ATP6V1G1: variants seen among roughly 807,000 people sequenced by gnomAD.
ATP6V1G1 encodes ATPase H+ transporting V1 subunit G1, also known as V-type proton ATPase subunit G 1.
Under a neutral mutation model 14.2 loss-of-function variants are expected in ATP6V1G1, and 14 were observed. The observed-to-expected ratio is 0.99, with a 90% CI of 0.65 to 1.55. ATP6V1G1 has a LOEUF of 1.55. ATP6V1G1 is among the 40% of genes most tolerant of loss of function. The pLI, the probability that ATP6V1G1 is intolerant of heterozygous loss-of-function variation, is 0.00. For missense variants in ATP6V1G1, 137 were observed against 146.4 expected (o/e 0.94, Z 0.33); for synonymous variants, 65 against 53.3 (o/e 1.22, Z -0.96).
Position 114,598,022 on chromosome 9 carries a change from T to G in ATP6V1G1, c.*279T>G. ...TCTTTTGGCTCAAGCAACATGTATA[T>G]CAGTGTTGACTTTTTCTTTCTTAGA... On this transcript the variant is annotated 3_prime_UTR_variant, in exon 3 of 3. Transcript: ENST00000374050. The G allele has an allele frequency of 5.0e-6, 1 of 201,580 alleles. No individual in the cohort carries two copies. The highest frequency in any genetic ancestry group is 9.9e-6 in the Non-Finnish European group (1 of 101,206). 12.5% of individuals were successfully genotyped at this position (201,580 alleles called of 1,614,324 possible). A position where few individuals can be genotyped will look rare whatever the true frequency, so the allele number is the denominator to read the frequency against.
In ATP6V1G1 at chr9:114,588,116, A is replaced by G. The variant is rs1330318844; in HGVS notation, c.82+196A>G. The stretch of plus-strand genomic sequence containing the variant: ...GATCGCCTGGAAGCCACGATGTGAG[A>G]TGGTAAATTGGGCGTGGAAACAATA... On this transcript the variant is annotated intron_variant, in intron 1 of 2. Coordinates refer to ENST00000374050, the MANE Select transcript of ATP6V1G1 (RefSeq NM_004888.4). 5 of 623,152 alleles carry G rather than the reference A, an allele frequency of 8.0e-6. No homozygotes were observed. In the East Asian group the frequency reaches 1.1e-4, roughly 14 times the overall value. 38.6% of individuals were successfully genotyped at this position (623,152 alleles called of 1,614,324 possible).
chr9:114,597,845 AT>A lies in ATP6V1G1; in HGVS notation c.*105del, dbSNP rs1362041382. On this transcript the variant is annotated 3_prime_UTR_variant, in exon 3 of 3. Transcript: ENST00000374050. ...CATTCTTATGATATGGCATTAAATTATTTCCATATATTATATAATAGGTCCT... is the reference window on the plus strand; with the variant it reads ...CATTCTTATGATATGGCATTAAATTATTCCATATATTATATAATAGGTCCT... The A allele has an allele frequency of 1.9e-6, 2 of 1,070,702 alleles. No individual in the cohort carries two copies. The highest frequency in any genetic ancestry group is 8.0e-5 in the Admixed American group (2 of 25,052). The allele number at this position is 1,070,702 out of a possible 1,614,324, so 66.3% of individuals were successfully genotyped here. A position where few individuals can be genotyped will look rare whatever the true frequency, so the allele number is the denominator to read the frequency against.
At chr9:114,594,082 T>C (rs1356772440) in intron 2 of ATP6V1G1, among the ~76,000 whole-genome samples, 19 of 151,582 alleles carry the variant, frequency 1.3e-4, no homozygotes, top group African/African-American at 2.4e-4. Flanking sequence ...TTTTTTTTTT[T>C]CTGAGACGGG....
At chr9:114,595,709 G>C (rs1200891347) in intron 2 of ATP6V1G1, among the ~76,000 whole-genome samples, 1 of 152,090 alleles carries the variant, frequency 6.6e-6, no homozygotes, top group East Asian at 1.9e-4. Context: ...TGTGGTCCCA[G>C]CTCTGCAGGA....
At chr9:114,588,020 G>T (rs528175121) in intron 1 of ATP6V1G1, 100 bp downstream of exon 1, 1 of 1,289,644 alleles carries the variant, frequency 7.8e-7, no homozygotes, top group Non-Finnish European at 1.1e-6. Flanking sequence ...TGCGGGGTGC[G>T]GGCGTGCGTA....
At chr9:114,592,522 TC>T (rs1243316585) in intron 1 of ATP6V1G1, 29 bp from the exon 2 acceptor site, 5 of 1,543,980 alleles carry the variant, frequency 3.2e-6, no homozygotes, top group African/African-American at 2.8e-5. Flanking sequence ...TTTAACCACT[TC>T]CTGATATAGC....
intron 2 of ATP6V1G1, among the ~76,000 whole-genome samples, chr9:114,593,086 A>G (rs1005061103): frequency 6.6e-6 from 1 of 152,198 alleles, no homozygotes; most frequent in Non-Finnish European, 1.5e-5. Flanking sequence ...AGTATATTGT[A>G]TATAGTACAG....
At chr9:114,592,107 A>G (rs1333714078) in intron 1 of ATP6V1G1, among the ~76,000 whole-genome samples, 1 of 152,194 alleles carries the variant, frequency 6.6e-6, no homozygotes, top group Non-Finnish European at 1.5e-5. Context: ...CATTAGTTAC[A>G]TTATATGTTG....
At chr9:114,593,119 A>G (rs1170772943) in intron 2 of ATP6V1G1, among the ~76,000 whole-genome samples, 1 of 152,242 alleles carries the variant, frequency 6.6e-6, no homozygotes, top group South Asian at 2.1e-4. Flanking sequence ...GATGTAGGCT[A>G]TACTATGGTG....
chr9:114,591,252 T>C lies in ATP6V1G1; in HGVS notation c.83-1300T>C, dbSNP rs144180020. ...TGATTTTTAGAGGCCCCTGTCAAAA[T>C]TGAATGTTGAAGATGTTTGCCAAAG... On this transcript the variant is annotated intron_variant, in intron 1 of 2. Coordinates refer to ENST00000374050, the MANE Select transcript of ATP6V1G1 (RefSeq NM_004888.4). Among the ~76,000 whole-genome samples the C allele has an allele frequency of 5.3e-4, 81 of 152,322 alleles. No individual in the cohort carries two copies. In the East Asian group the frequency reaches 0.011, roughly 21 times the overall value.
At chr9:114,594,863 T>TTC in intron 2 of ATP6V1G1, among the ~76,000 whole-genome samples, 11 of 9,136 alleles carry the variant, frequency 1.2e-3, no homozygotes, top group Admixed American at 2.0e-3. Context: ...CTTTTTTTCT[T>TTC]TTTTTTTTTT....
intron 1 of ATP6V1G1, 23 bp downstream of exon 1, chr9:114,587,943 C>T (rs1401776663): frequency 2.6e-6 from 4 of 1,557,124 alleles, no homozygotes; most frequent in Non-Finnish European, 2.6e-6. Flanking sequence ...GTGGGGCTGC[C>T]CGGCGTGGCG....
chr9:114,590,903 C>A (rs1303573291), intron 1 of ATP6V1G1, among the ~76,000 whole-genome samples: 1 of 152,112 alleles, frequency 6.6e-6, no homozygotes, highest in African/African-American at 2.4e-5. Context: ...TCAAGCGATT[C>A]TTCTGCCTCA....
intron 2 of ATP6V1G1, among the ~76,000 whole-genome samples, chr9:114,593,452 A>G (rs915971743): frequency 2.6e-5 from 4 of 152,172 alleles, no homozygotes; most frequent in Non-Finnish European, 5.9e-5. Context: ...GTAAAGGCAC[A>G]TACCTCCCTC....
chr9:114,588,083 G>A (rs1050818508), intron 1 of ATP6V1G1, 163 bp downstream of exon 1: 5 of 764,372 alleles, frequency 6.5e-6, no homozygotes, highest in Non-Finnish European at 8.2e-6. Context: ...GGCTCTGGAA[G>A]GCTTGCGGAT....
At chr9:114,588,938 G>A (rs1451890708) in intron 1 of ATP6V1G1, among the ~76,000 whole-genome samples, 1 of 152,212 alleles carries the variant, frequency 6.6e-6, no homozygotes, top group Non-Finnish European at 1.5e-5. Context: ...GGAGGCTCTT[G>A]TGGGTCAGGC....
intron 2 of ATP6V1G1, among the ~76,000 whole-genome samples, chr9:114,594,861 C>CTTT: frequency 9.0e-6 from 1 of 110,580 alleles, no homozygotes; most frequent in Non-Finnish European, 1.8e-5. Context: ...TTCTTTTTTT[C>CTTT]TTTTTTTTTT....
At chr9:114,595,240 G>C (rs538380074) in intron 2 of ATP6V1G1, among the ~76,000 whole-genome samples, 3 of 152,104 alleles carry the variant, frequency 2.0e-5, no homozygotes, top group Non-Finnish European at 2.9e-5. Flanking sequence ...GGAGCTTGGC[G>C]TATGGTTTAT....
Position 114,587,901 on chromosome 9 carries a change from G to T in ATP6V1G1, c.63G>T (p.Lys21Asn). ...LLQAEKRAAE[K>N]VSEARKRKNR... Reference sequence around the variant, plus strand: ...AGGCCGAGAAGCGGGCAGCCGAGAAGGTGTCCGAGGCCCGCAAAAGTGAGT... The same window carrying T: ...AGGCCGAGAAGCGGGCAGCCGAGAATGTGTCCGAGGCCCGCAAAAGTGAGT... Residue 21 changes from lysine to asparagine, a missense_variant, in exon 1 of 3, where the codon AAG becomes AAT. Coordinates refer to ENST00000374050, the MANE Select transcript of ATP6V1G1 (RefSeq NM_004888.4). 6.3e-7 allele frequency: 1 copy of T among 1,584,438 alleles called. No homozygotes were observed. The highest frequency in any genetic ancestry group is 2.3e-5 in the East Asian group (1 of 43,708).
Sources: gnomAD v4.1 joint callset for allele counts (sites outside exome capture counted in the v4.1 genomes callset) on GRCh38, gnomAD v4.1.1 for gene constraint, MANE v1.5 for transcripts, NCBI Gene and HGNC (gene_info 2026-07-23, HGNC 2026-07-21) for gene names.